Variants in PALS2 observed in about 807,000 individuals in gnomAD.
The protein encoded by PALS2 is protein associated with LIN7 2, MAGUK p55 family member.
Under a neutral mutation model 61.6 loss-of-function variants are expected in PALS2, and 27 were observed. That is an observed-to-expected ratio of 0.44 (90% CI 0.32 to 0.60). PALS2 has a LOEUF of 0.60. PALS2 is among the 20% of genes least tolerant of loss of function. PALS2 has a pLI of 0.05. For synonymous variants in PALS2, 236 were observed against 218.6 expected (o/e 1.08, Z -0.70); for missense variants, 554 against 639.4 (o/e 0.87, Z 1.44).
At chr7:24,640,843 C>A (rs1053547789) in intron 2 of PALS2, among the ~76,000 whole-genome samples, 7 of 151,702 alleles carry the variant, frequency 4.6e-5, no homozygotes, top group Non-Finnish European at 7.4e-5. Flanking sequence ...CCTGTCTCTA[C>A]TAAAAATACA....
rs1200369173 is a variant in PALS2 at position 24,692,427 on chromosome 7, A to G, written c.*4813A>G. The stretch of plus-strand genomic sequence containing the variant: ...TCTTCGCCTTAAATTCTGATTTGTA[A>G]TTTGTAACTCTGATGTGGTAGCTGT... On this transcript the variant is annotated 3_prime_UTR_variant, in exon 12 of 12. Transcript: ENST00000222644. 2.6e-5 allele frequency: 4 copies of G among 152,084 alleles called. No individual in the cohort carries two copies. The highest frequency in any genetic ancestry group is 5.9e-5 in the Non-Finnish European group (4 of 68,012). The allele number at this position is 152,084 out of a possible 1,614,324, so 9.4% of individuals were successfully genotyped here. A position where few individuals can be genotyped will look rare whatever the true frequency, so the allele number is the denominator to read the frequency against.
chr7:24,629,501 A>G (rs140924161), intron 2 of PALS2, among the ~76,000 whole-genome samples: 2,424 of 152,326 alleles, frequency 0.016, 70 homozygotes, highest in African/African-American at 0.056. Flanking sequence ...ATCTAACTAA[A>G]GAGCTTCTGC....
At chr7:24,575,499 C>T (rs1168423056) in intron 1 of PALS2, among the ~76,000 whole-genome samples, 4 of 152,202 alleles carry the variant, frequency 2.6e-5, no homozygotes, top group African/African-American at 9.7e-5. Context: ...CCCACTCCCC[C>T]TCTTTTTAGC....
intron 5 of PALS2, among the ~76,000 whole-genome samples, chr7:24,652,837 A>G (rs920478963): frequency 1.3e-5 from 2 of 152,202 alleles, no homozygotes; most frequent in African/African-American, 2.4e-5. Context: ...TTTCAAAAGC[A>G]TAGTCAGTAG....
chr7:24,606,518 C>T (rs1783904889), intron 1 of PALS2, among the ~76,000 whole-genome samples: 1 of 140,442 alleles, frequency 7.1e-6, no homozygotes, highest in South Asian at 2.2e-4. Flanking sequence ...AAAAATTAGT[C>T]AGAAAGAGAT....
At chr7:24,636,798 C>T (rs1022028180) in intron 2 of PALS2, among the ~76,000 whole-genome samples, 6 of 150,312 alleles carry the variant, frequency 4.0e-5, no homozygotes, top group East Asian at 1.9e-4. Context: ...AGAAGTCCTT[C>T]GTAAGTAGGG....
chr7:24,624,050 G>C (rs1330975957), intron 2 of PALS2: 1 of 1,317,254 alleles, frequency 7.6e-7, no homozygotes, highest in South Asian at 1.2e-5. Context: ...CTGCACAGTT[G>C]TGTTTTAACA....
chr7:24,639,814 A>T (rs1326866373), intron 2 of PALS2, among the ~76,000 whole-genome samples: 4 of 96,252 alleles, frequency 4.2e-5, no homozygotes, highest in Admixed American at 1.2e-4. Flanking sequence ...TTCTAGTCTA[A>T]TTTTTTTTTT....
chr7:24,629,312 C>T (rs1784886448), intron 2 of PALS2, among the ~76,000 whole-genome samples: 1 of 152,158 alleles, frequency 6.6e-6, no homozygotes, highest in African/African-American at 2.4e-5. Context: ...GTACCCCTTC[C>T]TTACACCTTA....
intron 8 of PALS2, among the ~76,000 whole-genome samples, chr7:24,667,551 A>G (rs1307380239): frequency 6.6e-6 from 1 of 151,498 alleles, no homozygotes; most frequent in Non-Finnish European, 1.5e-5. Context: ...TAATTTGATT[A>G]TTTATATTAA....
At position 24,633,465 on chromosome 7, in the gene PALS2, G is replaced by GC. The variant is rs34528042; in HGVS notation, c.118-8241dup. On this transcript the variant is annotated intron_variant, in intron 2 of 11. Coordinates refer to ENST00000222644, the MANE Select transcript of PALS2 (RefSeq NM_001303037.2). ...TGCTTGCTCCTCTGCAGGTAAGGTT[G>GC]CCCCCCCCCCACCCCGATGTTTCAG... Among the ~76,000 whole-genome samples, 470 of 112,666 alleles carry GC rather than the reference G, an allele frequency of 4.2e-3. 1 individual carries two copies. The highest frequency in any genetic ancestry group is 0.013 in the South Asian group (42 of 3,296). 73.9% of individuals were successfully genotyped at this position (112,666 alleles called of 152,430 possible).
At position 24,641,271 on chromosome 7, in the gene PALS2, C is replaced by G. The variant is rs1406424525; in HGVS notation, c.118-445C>G. Among the ~76,000 whole-genome samples the G allele has an allele frequency of 8.6e-5, 13 of 151,936 alleles. No homozygotes were observed. In the South Asian group the frequency reaches 2.7e-3, roughly 32 times the overall value. Reference sequence around the variant, plus strand: ...CTGGGGTTTCCAAAATTATTTTTATCATTTTAAAAAATATTAACATATAAT... The same window carrying G: ...CTGGGGTTTCCAAAATTATTTTTATGATTTTAAAAAATATTAACATATAAT... On this transcript the variant is annotated intron_variant, in intron 2 of 11. Transcript: ENST00000222644.
intron 1 of PALS2, among the ~76,000 whole-genome samples, chr7:24,621,266 C>G (rs1256575577): frequency 1.3e-5 from 2 of 152,020 alleles, no homozygotes; most frequent in African/African-American, 4.8e-5. Flanking sequence ...CCATGAAACC[C>G]CCATGGATGA....
intron 2 of PALS2, among the ~76,000 whole-genome samples, chr7:24,627,614 C>G (rs112004360): frequency 2.6e-5 from 4 of 151,948 alleles, no homozygotes; most frequent in Non-Finnish European, 5.9e-5. Context: ...ATAGATAGAC[C>G]GCTAGCCAGA....
chr7:24,580,986 A>G (rs1242900959), intron 1 of PALS2, among the ~76,000 whole-genome samples: 1 of 152,206 alleles, frequency 6.6e-6, no homozygotes, highest in African/African-American at 2.4e-5. Context: ...TGCTGTGACA[A>G]ATTGCCACAG....
chr7:24,673,024 A>G (rs929169735), intron 9 of PALS2, among the ~76,000 whole-genome samples: 1 of 152,162 alleles, frequency 6.6e-6, no homozygotes, highest in Non-Finnish European at 1.5e-5. Context: ...CAATCTTTCC[A>G]TTTTAGCTGT....
At chr7:24,609,370 G>A (rs1784034730) in intron 1 of PALS2, among the ~76,000 whole-genome samples, 1 of 152,112 alleles carries the variant, frequency 6.6e-6, no homozygotes, top group Non-Finnish European at 1.5e-5. Context: ...GAGAGCAGGT[G>A]GGAGCCCTTA....
At chr7:24,583,802 C>T (rs1470034555) in intron 1 of PALS2, among the ~76,000 whole-genome samples, 1 of 151,876 alleles carries the variant, frequency 6.6e-6, no homozygotes, top group East Asian at 1.9e-4. Flanking sequence ...CCAATGCTAT[C>T]CCTCCCCTCT....
At chr7:24,682,805 ATAAGT>A (rs1788002099) in intron 11 of PALS2, among the ~76,000 whole-genome samples, 1 of 152,106 alleles carries the variant, frequency 6.6e-6, no homozygotes, top group Admixed American at 6.6e-5. Flanking sequence ...AATAATAATA[ATAAGT>A]CACTTATCCT....
Sources: allele counts gnomAD v4.1 joint callset (sites outside exome capture counted in the v4.1 genomes callset), GRCh38; gene constraint gnomAD v4.1.1; transcripts MANE v1.5; gene names NCBI Gene and HGNC (gene_info 2026-07-23, HGNC 2026-07-21).